The following RPS6KC1 variants were observed in gnomAD, a reference collection of about 807,000 sequenced individuals.
The protein encoded by RPS6KC1 is ribosomal protein S6 kinase C1.
In RPS6KC1, 54 loss-of-function variants were observed where a neutral mutation model predicts 103.8. The observed-to-expected ratio is 0.52, with a 90% confidence interval of 0.42 to 0.65. RPS6KC1 has a LOEUF of 0.65. Ranked by LOEUF, RPS6KC1 falls within the 30% of genes least tolerant of loss-of-function variation. The pLI is 0.00. For synonymous variants in RPS6KC1, 439 were observed against 438.7 expected, an observed-to-expected ratio of 1.00 and a Z score of -0.01; for missense variants, 1,151 against 1,253.8, an observed-to-expected ratio of 0.92 and a Z score of 1.24.
At chr1:213,297,515 C>T in the RPS6KC1 span, among the ~76,000 whole-genome samples, 13 of 152,220 alleles carry the variant, frequency 8.5e-5, no homozygotes, top group East Asian at 3.9e-4. Flanking sequence ...AAGGATTAGC[C>T]GAGAATACTT....
Position 213,051,388 on chromosome 1 carries a change from G to T in RPS6KC1, c.-17G>T. On this transcript the variant is annotated 5_prime_UTR_variant, in exon 1 of 15. Transcript: ENST00000366960. Reference sequence around the variant, plus strand: ...TGATCCCGGGCGGGTGGCGGCGGCGGCAGAGGCGGCGGGAGGATGACCTCT... The same window carrying T: ...TGATCCCGGGCGGGTGGCGGCGGCGTCAGAGGCGGCGGGAGGATGACCTCT... 6.3e-7 allele frequency: 1 copy of T among 1,593,864 alleles called. No homozygotes were observed. Among genetic ancestry groups the T allele is most frequent in the South Asian group, 1.1e-5 (1 of 90,468 alleles).
the RPS6KC1 span, among the ~76,000 whole-genome samples, chr1:213,354,226 G>A: frequency 6.6e-6 from 1 of 152,182 alleles, no homozygotes; most frequent in East Asian, 1.9e-4. Context: ...TGGTCATGTA[G>A]ACGAAGCTCT....
intron 1 of RPS6KC1, among the ~76,000 whole-genome samples, chr1:213,058,445 GT>G (rs199643857): frequency 7.0e-6 from 1 of 143,006 alleles, no homozygotes; most frequent in African/African-American, 2.6e-5. Context: ...TTTTTTTTTT[GT>G]TTTTTGTTTT....
the RPS6KC1 span, among the ~76,000 whole-genome samples, chr1:213,292,105 T>G: frequency 2.7e-5 from 4 of 146,964 alleles, no homozygotes; most frequent in South Asian, 2.2e-4. Context: ...TGTTGAGGGG[T>G]GGGGGTAGGG....
At chr1:213,643,963 A>G in the RPS6KC1 span, among the ~76,000 whole-genome samples, 2 of 152,042 alleles carry the variant, frequency 1.3e-5, no homozygotes, top group African/African-American at 4.8e-5. Flanking sequence ...AGGATAAACC[A>G]TACCGCGTCA....
chr1:213,588,490 G>A, the RPS6KC1 span, among the ~76,000 whole-genome samples: 2 of 151,832 alleles, frequency 1.3e-5, no homozygotes, highest in African/African-American at 2.4e-5. Context: ...TAGTCGAGAC[G>A]GGGTTTCACT....
At position 213,230,529 on chromosome 1, in the gene RPS6KC1, G is replaced by C; in HGVS notation, c.1077G>C (p.Gln359His). ...VLLVMDTRTE[Q>H]TFILKGLRKS... Reference sequence around the variant, plus strand: ...TTGTAATGGACACAAGGACAGAACAGACTTTCATTTTAAAAGTAAGTAAAA... The same window carrying C: ...TTGTAATGGACACAAGGACAGAACACACTTTCATTTTAAAAGTAAGTAAAA... Residue 359 changes from glutamine to histidine, a missense_variant, in exon 9 of 15, where the codon CAG becomes CAC. Gln to His is a conservative substitution (Grantham distance 24, BLOSUM62 0). Around this residue, in one of 3 missense-constraint regions of RPS6KC1, gnomAD observed 959 missense variants for 1,006.3 expected, o/e 0.95. Coordinates refer to ENST00000366960, the MANE Select transcript of RPS6KC1 (RefSeq NM_012424.6). The C allele has an allele frequency of 6.2e-7, 1 of 1,605,400 alleles. No homozygotes were observed. The highest frequency in any genetic ancestry group is 1.3e-5 in the African/African-American group (1 of 74,406).
chr1:213,671,139 T>C, the RPS6KC1 span, among the ~76,000 whole-genome samples: 1 of 152,186 alleles, frequency 6.6e-6, no homozygotes, highest in Non-Finnish European at 1.5e-5. Context: ...ATCCATCCAT[T>C]GATGGACACC....
chr1:213,441,516 G>T, the RPS6KC1 span, among the ~76,000 whole-genome samples: 2 of 152,180 alleles, frequency 1.3e-5, no homozygotes, highest in Non-Finnish European at 2.9e-5. Flanking sequence ...GTAAGTGACA[G>T]AATTTCCTTC....
chr1:213,195,022 G>GGT (rs1365463525), intron 8 of RPS6KC1, among the ~76,000 whole-genome samples: 10 of 152,196 alleles, frequency 6.6e-5, no homozygotes, highest in Admixed American at 2.0e-4. Context: ...AGGAGAGAAG[G>GGT]GTGTGTGTGT....
intron 1 of RPS6KC1, among the ~76,000 whole-genome samples, chr1:213,055,696 A>G (rs866631972): frequency 8.5e-5 from 13 of 152,368 alleles, no homozygotes; most frequent in African/African-American, 2.6e-4. Flanking sequence ...TATAAAATTT[A>G]GAATCAGCTT....
the RPS6KC1 span, among the ~76,000 whole-genome samples, chr1:213,791,446 T>G: frequency 1.4e-4 from 21 of 152,160 alleles, no homozygotes; most frequent in Non-Finnish European, 2.4e-4. Flanking sequence ...GCAAGTATGT[T>G]TGTTAATACC....
At chr1:213,826,773 G>C in the RPS6KC1 span, among the ~76,000 whole-genome samples, 2 of 152,106 alleles carry the variant, frequency 1.3e-5, no homozygotes, top group African/African-American at 2.4e-5. Context: ...ACCCTGGGAA[G>C]GGGGGGAAGT....
At chr1:213,149,605 A>T (rs1406661310) in intron 6 of RPS6KC1, among the ~76,000 whole-genome samples, 1 of 152,202 alleles carries the variant, frequency 6.6e-6, no homozygotes, top group East Asian at 1.9e-4. Context: ...AGTGAGGCAA[A>T]GAATGTGGAT....
chr1:213,305,899 C>T, the RPS6KC1 span, among the ~76,000 whole-genome samples: 1 of 152,182 alleles, frequency 6.6e-6, no homozygotes, highest in Admixed American at 6.5e-5. Context: ...ATCTAGTCAC[C>T]ACTCCTAAAT....
At chr1:213,418,699 C>T in the RPS6KC1 span, among the ~76,000 whole-genome samples, 1 of 152,190 alleles carries the variant, frequency 6.6e-6, no homozygotes, top group Non-Finnish European at 1.5e-5. Context: ...GTGTTGAGTT[C>T]CCTTGTCAAC....
At chr1:213,783,533 A>G in the RPS6KC1 span, among the ~76,000 whole-genome samples, 1 of 152,074 alleles carries the variant, frequency 6.6e-6, no homozygotes, top group Non-Finnish European at 1.5e-5. Context: ...TAATATTATG[A>G]TTCAGCACCT....
the RPS6KC1 span, among the ~76,000 whole-genome samples, chr1:213,733,544 GTT>G: frequency 3.4e-4 from 34 of 100,200 alleles, no homozygotes; most frequent in East Asian, 1.6e-3. Context: ...GCTATTTTTA[GTT>G]TGTTTTTTTT....
chr1:213,261,673 C>A, intron 13 of RPS6KC1, 33 bp downstream of exon 13: 1 of 1,540,078 alleles, frequency 6.5e-7, no homozygotes, highest in Non-Finnish European at 9.0e-7. Context: ...AATAAATTTA[C>A]TCAGATGCTA....
Sources: gnomAD v4.1 joint callset for allele counts (sites outside exome capture counted in the v4.1 genomes callset) on GRCh38, gnomAD v4.1.1 for gene constraint, gnomAD v4.1.1 regional missense constraint, MANE v1.5 for transcripts, NCBI Gene and HGNC (gene_info 2026-07-23, HGNC 2026-07-21) for gene names.